Variants in TMEM270 observed in about 807,000 individuals in gnomAD.
TMEM270 encodes the protein transmembrane protein 270.
Under a neutral mutation model 29.9 loss-of-function variants are expected in TMEM270, and 30 were observed. That is an observed-to-expected ratio of 1.00 (90% confidence interval 0.75 to 1.36). TMEM270 has a LOEUF of 1.36. Among genes scored for constraint, TMEM270 ranks in the 40% most tolerant of loss-of-function variants. The probability of loss-of-function intolerance (pLI) is 0.00; values close to 1 mark genes in which losing one functional copy is unlikely to be tolerated. For synonymous variants in TMEM270, 135 were observed against 139.8 expected, an observed-to-expected ratio of 0.97 and a Z score of 0.24; for missense variants, 313 against 307.1, an observed-to-expected ratio of 1.02 and a Z score of -0.14.
At chr7:73,863,140 G>A (rs1179880090) in intron 1 of TMEM270, among the ~76,000 whole-genome samples, 1 of 152,104 alleles carries the variant, frequency 6.6e-6, no homozygotes, top group East Asian at 1.9e-4. Context: ...CACGTCCCAA[G>A]CTCTGCAAAT....
At chr7:73,861,936 C>G (rs557094839) in intron 1 of TMEM270, among the ~76,000 whole-genome samples, 1 of 146,834 alleles carries the variant, frequency 6.8e-6, no homozygotes, top group Non-Finnish European at 1.5e-5. Flanking sequence ...GTAGCTGGGA[C>G]TACAGGCACG....
At chr7:73,862,129 A>G (rs541549016) in intron 1 of TMEM270, among the ~76,000 whole-genome samples, 1 of 139,438 alleles carries the variant, frequency 7.2e-6, no homozygotes, top group Non-Finnish European at 1.5e-5. Context: ...TTTTTTTCAG[A>G]TGCAGTCTTG....
Position 73,865,556 on chromosome 7 carries a change from C to T in TMEM270, c.502-21C>T, listed in dbSNP as rs143784099. On this transcript the variant is annotated intron_variant, in intron 2 of 2. Transcript: ENST00000320531. ...CTATGAGCTCCTAAGGGCCACCTGC[C>T]CATCTGTCTCCCTGTTCCAGGCCTT... 1,239 of 1,609,194 alleles carry T rather than the reference C, an allele frequency of 7.7e-4. 8 individuals are homozygous for T. The African/African-American group carries it at 0.013, about 17-fold the overall frequency.
At chr7:73,861,359 C>A in intron 1 of TMEM270, 93 bp downstream of exon 1, 1 of 1,257,446 alleles carries the variant, frequency 8.0e-7, no homozygotes, top group Non-Finnish European at 1.1e-6. Flanking sequence ...CCCTGCCTGT[C>A]CCATCCAGTG....
chr7:73,864,435 A>G (rs1554639649), intron 1 of TMEM270, among the ~76,000 whole-genome samples: 1 of 152,076 alleles, frequency 6.6e-6, no homozygotes. Context: ...TTTCTTAAAA[A>G]AAAATATCCA....
In TMEM270 at chr7:73,861,181, G is replaced by C. The variant is rs782314063; in HGVS notation, c.-14G>C. On this transcript the variant is annotated 5_prime_UTR_variant, in exon 1 of 3. Coordinates refer to ENST00000320531, the MANE Select transcript of TMEM270 (RefSeq NM_182504.4). ...CCTGCTTCTCCCAGCTGGAGTAGGT[G>C]GGGGAGGCCAGACATGGAGGCCCTT... is the stretch of plus-strand genomic sequence containing the variant. The C allele has an allele frequency of 2.5e-6, 4 of 1,613,400 alleles. No individual in the cohort carries two copies. The highest frequency in any genetic ancestry group is 4.5e-5 in the East Asian group (2 of 44,870).
At chr7:73,864,114 CAAAAAAAAAA>C (rs34181696) in intron 1 of TMEM270, among the ~76,000 whole-genome samples, 6 of 81,010 alleles carry the variant, frequency 7.4e-5, no homozygotes, top group African/African-American at 3.0e-4. Context: ...CCCGCCTCTA[CAAAAAAAAAA>C]AAAAAAAAAA....
intron 1 of TMEM270, 177 bp downstream of exon 1, chr7:73,861,443 C>T: frequency 1.5e-6 from 1 of 656,552 alleles, no homozygotes. Context: ...ACAGTGCTGA[C>T]ATTTTCTTTT....
At chr7:73,862,315 C>T (rs903609519) in intron 1 of TMEM270, among the ~76,000 whole-genome samples, 1 of 151,980 alleles carries the variant, frequency 6.6e-6, no homozygotes, top group African/African-American at 2.4e-5. Context: ...ACCGCATTGG[C>T]CAGGCTGGTC....
At position 73,865,140 on chromosome 7, in the gene TMEM270, G is replaced by A. The variant is rs558082896; in HGVS notation, c.220G>A (p.Gly74Ser). 9.3e-6 allele frequency: 15 copies of A among 1,608,706 alleles called. No individual in the cohort carries two copies. In the East Asian group the frequency reaches 2.9e-4, roughly 31 times the overall value. The change falls in exon 2 of 3, where the codon GGC becomes AGC. Residue 74 changes from glycine to serine, a missense_variant. Transcript: ENST00000320531. ...CCTGGGAGCTGCAGCCTGCCCCCTG[G>A]GCCAGGCTCTCTGGGCTGGGCTGGC... ...LPLGAAACPL[G>S]QALWAGLALI...
intron 1 of TMEM270, among the ~76,000 whole-genome samples, chr7:73,864,599 C>T (rs1554639665): frequency 6.6e-6 from 1 of 151,924 alleles, no homozygotes; most frequent in Non-Finnish European, 1.5e-5. Flanking sequence ...AGCTTCACCT[C>T]TACAGTAAAA....
Position 73,861,224 on chromosome 7 carries a change from C to T in TMEM270, c.30C>T (p.Ser10=). Residue 10 remains serine (S), a synonymous_variant, in exon 1 of 3, where the codon AGC becomes AGT. Coordinates refer to ENST00000320531, the MANE Select transcript of TMEM270 (RefSeq NM_182504.4). The part of the protein sequence containing the change: MEALPPVRS[S]LLGILLQVTR... ...AGGCCCTTCCTCCAGTCAGATCCAG[C>T]CTTTTGGGGATCCTGTTGCAGGTTA... 6.2e-7 allele frequency: 1 copy of T among 1,613,622 alleles called. No individual in the cohort carries two copies. The highest frequency in any genetic ancestry group is 8.5e-7 in the Non-Finnish European group (1 of 1,179,696).
Position 73,865,282 on chromosome 7 carries a change from G to A in TMEM270, c.362G>A (p.Gly121Asp), listed in dbSNP as rs1788879372. The A allele has an allele frequency of 1.2e-6, 2 of 1,613,374 alleles. No individual in the cohort carries two copies. Among genetic ancestry groups the A allele is most frequent in the South Asian group, 1.1e-5 (1 of 91,078 alleles). The change falls in exon 2 of 3, where the codon GGC (glycine) becomes GAC (aspartate). Residue 121 changes from glycine (G) to aspartate (D), a missense_variant. Coordinates refer to ENST00000320531, the MANE Select transcript of TMEM270 (RefSeq NM_182504.4). ...LALLSAWEQLGLSVAIWTDLF... is the reference protein window; with the variant it reads ...LALLSAWEQLDLSVAIWTDLF... ...TTGCTCAGTGCCTGGGAGCAGCTGGGCCTGTCTGTGGCCATCTGGACAGAT... is the reference window on the plus strand; with the variant it reads ...TTGCTCAGTGCCTGGGAGCAGCTGGACCTGTCTGTGGCCATCTGGACAGAT...
At chr7:73,861,490 C>A in intron 1 of TMEM270, 1 of 646,110 alleles carries the variant, frequency 1.5e-6, no homozygotes. Flanking sequence ...CGCTCTGTCG[C>A]CCAGCCTGGA....
At chr7:73,864,363 A>G (rs1788853179) in intron 1 of TMEM270, among the ~76,000 whole-genome samples, 1 of 151,986 alleles carries the variant, frequency 6.6e-6, no homozygotes, top group South Asian at 2.1e-4. Flanking sequence ...TGGGAGGTCA[A>G]GGCTGCAGTG....
chr7:73,863,169 G>A lies in TMEM270; in HGVS notation c.73-1824G>A, dbSNP rs987929845. Among the ~76,000 whole-genome samples the A allele has an allele frequency of 2.0e-5, 3 of 152,182 alleles. No homozygotes were observed. In the Middle Eastern group the frequency reaches 0.01, roughly 518 times the overall value. On this transcript the variant is annotated intron_variant, in intron 1 of 2. Transcript: ENST00000320531. ...TGCAAATCCAGCCCGTGAGTGGGGGGTCTTGCAGCCAATCTCAGATGGTGG... is the reference window on the plus strand; with the variant it reads ...TGCAAATCCAGCCCGTGAGTGGGGGATCTTGCAGCCAATCTCAGATGGTGG...
intron 1 of TMEM270, chr7:73,861,737 G>A (rs1258715061): frequency 2.2e-5 from 5 of 229,960 alleles, no homozygotes; most frequent in Admixed American, 4.9e-5. Flanking sequence ...GTGAGCCACC[G>A]CACCTGGCAG....
Position 73,865,183 on chromosome 7 carries a change from T to C in TMEM270, c.263T>C (p.Val88Ala), listed in dbSNP as rs782752943. 27 of 1,613,164 alleles carry C rather than the reference T, an allele frequency of 1.7e-5. No homozygotes were observed. The South Asian group carries it at 2.7e-4, about 16-fold the overall frequency. ...GGGCTGGCTCTGATACAGGTCCCCGTATGGCTGGTGCTACAGGGACCCAGG... is the reference window on the plus strand; with the variant it reads ...GGGCTGGCTCTGATACAGGTCCCCGCATGGCTGGTGCTACAGGGACCCAGG... ...WAGLALIQVP[V>A]WLVLQGPRLM... The change falls in exon 2 of 3, where the codon GTA becomes GCA. Residue 88 changes from valine (V) to alanine (A), a missense_variant. Val to Ala is a moderately conservative substitution (Grantham distance 64, BLOSUM62 0). Coordinates refer to ENST00000320531, the MANE Select transcript of TMEM270 (RefSeq NM_182504.4).
intron 1 of TMEM270, among the ~76,000 whole-genome samples, chr7:73,863,921 T>TCGTA (rs1554639610): frequency 3.3e-5 from 5 of 151,942 alleles, no homozygotes. Context: ...GGGTGGGGGA[T>TCGTA]CGTAACATGG....
Sources: gnomAD v4.1 joint callset for allele counts (sites outside exome capture counted in the v4.1 genomes callset) on GRCh38, gnomAD v4.1.1 for gene constraint, MANE v1.5 for transcripts, NCBI Gene and HGNC (gene_info 2026-07-23, HGNC 2026-07-21) for gene names.